The following FTO variants were observed in gnomAD, a reference collection of about 807,000 sequenced individuals.
FTO encodes the protein alpha-ketoglutarate-dependent dioxygenase FTO.
FTO carries 47 observed loss-of-function variants against 63.9 expected under a neutral mutation model. The ratio of observed to expected loss-of-function variants is 0.74; its 90% CI spans 0.58 to 0.94. The LOEUF (loss-of-function observed/expected upper bound fraction) is 0.94. Ranked by LOEUF, FTO falls within the 40% of genes least tolerant of loss-of-function variation. FTO has a pLI of 0.00. For synonymous variants in FTO, 207 were observed against 224.4 expected (o/e 0.92, Z 0.69); for missense variants, 562 against 618.1 (o/e 0.91, Z 0.96).
At chr16:53,909,084 T>C (rs1229955553) in intron 7 of FTO, among the ~76,000 whole-genome samples, 1 of 152,322 alleles carries the variant, frequency 6.6e-6, no homozygotes, top group Non-Finnish European at 1.5e-5. Flanking sequence ...CCTGGGATGA[T>C]GCCCAGTTTG....
rs5816913 is a variant in FTO at position 53,984,321 on chromosome 16, C to CTTTTT, written c.1364+50235_1364+50239dup. The stretch of plus-strand genomic sequence containing the variant: ...CCTCTATCCCTCCCTTGGAATGGGT[C>CTTTTT]TTTTTTTTTTTTTTTTTTTTTTTTT... On this transcript the variant is annotated intron_variant, in intron 8 of 8. Coordinates refer to ENST00000471389, the MANE Select transcript of FTO (RefSeq NM_001080432.3). 2.8e-4 allele frequency among the ~76,000 whole-genome samples: 19 copies of CTTTTT among 67,290 alleles called. 1 individual carries two copies. The highest frequency in any genetic ancestry group is 5.7e-4 in the East Asian group (1 of 1,744). The allele number at this position is 67,290 out of a possible 152,430, so 44.1% of individuals were successfully genotyped here.
At chr16:53,851,197 C>T (rs1431425811) in intron 4 of FTO, among the ~76,000 whole-genome samples, 1 of 151,104 alleles carries the variant, frequency 6.6e-6, no homozygotes, top group Non-Finnish European at 1.5e-5. Flanking sequence ...CCTGTAATCC[C>T]AGCACTTTGG....
chr16:53,805,693 T>C (rs2151725621), intron 1 of FTO, among the ~76,000 whole-genome samples: 1 of 152,196 alleles, frequency 6.6e-6, no homozygotes. Context: ...CAGGTGATCG[T>C]CCTGCCTCCA....
chr16:53,873,958 G>T, intron 5 of FTO, 93 bp downstream of exon 5: 1 of 969,698 alleles, frequency 1.0e-6, no homozygotes. Context: ...AAGAGTATTT[G>T]ATGGGAAAAT....
chr16:53,833,072 C>T (rs183488116), intron 3 of FTO, among the ~76,000 whole-genome samples: 7 of 152,266 alleles, frequency 4.6e-5, no homozygotes, highest in African/African-American at 1.7e-4. Flanking sequence ...AATCATGAGG[C>T]CGGTCTTTCC....
chr16:53,921,293 C>T (rs181225907), intron 7 of FTO, among the ~76,000 whole-genome samples: 77 of 152,288 alleles, frequency 5.1e-4, no homozygotes, highest in Non-Finnish European at 9.1e-4. Flanking sequence ...CCAGTGTGCC[C>T]GACAGACCAC....
intron 1 of FTO, among the ~76,000 whole-genome samples, chr16:53,792,677 A>G (rs1326931364): frequency 6.6e-6 from 1 of 152,336 alleles, no homozygotes; most frequent in Middle Eastern, 3.4e-3. Context: ...ACGTGGTGAA[A>G]TCTCATGGAG....
chr16:53,951,750 A>G (rs535798042), intron 8 of FTO, among the ~76,000 whole-genome samples: 1 of 152,294 alleles, frequency 6.6e-6, no homozygotes, highest in African/African-American at 2.4e-5. Flanking sequence ...AGAAAAGCAT[A>G]ATTAGAATAT....
intron 1 of FTO, among the ~76,000 whole-genome samples, chr16:53,732,041 ATTTTTTTTTTTT>A (rs375814669): frequency 5.1e-5 from 5 of 98,620 alleles, no homozygotes; most frequent in African/African-American, 2.3e-4. Flanking sequence ...TTGTGGCCTT[ATTTTTTTTTTTT>A]TTTTTTTTTT....
At chr16:53,732,121 T>C (rs2076287159) in intron 1 of FTO, among the ~76,000 whole-genome samples, 1 of 143,946 alleles carries the variant, frequency 6.9e-6, no homozygotes, top group South Asian at 2.2e-4. Flanking sequence ...CGATCCCGGC[T>C]CACTGCAAGC....
At chr16:53,894,584 A>G (rs2081230776) in intron 7 of FTO, among the ~76,000 whole-genome samples, 1 of 152,120 alleles carries the variant, frequency 6.6e-6, no homozygotes, top group South Asian at 2.1e-4. Context: ...TGATGGAAAT[A>G]TAAATATCGA....
intron 4 of FTO, among the ~76,000 whole-genome samples, chr16:53,848,549 T>C (rs2151828120): frequency 6.6e-6 from 1 of 152,250 alleles, no homozygotes; most frequent in South Asian, 2.1e-4. Context: ...CAAACAGATT[T>C]ACAATTTTCA....
chr16:53,893,874 G>A (rs2081215000), intron 7 of FTO, among the ~76,000 whole-genome samples: 1 of 152,202 alleles, frequency 6.6e-6, no homozygotes, highest in African/African-American at 2.4e-5. Context: ...TCCTTGTGCT[G>A]TTATAGCAAT....
At chr16:53,786,025 A>T (rs11075991) in intron 1 of FTO, among the ~76,000 whole-genome samples, 61,874 of 151,668 alleles carry the variant, frequency 0.41, 13,047 homozygotes, top group African/African-American at 0.48. Context: ...ACATGATTTG[A>T]CCTACTTTTT....
chr16:53,971,559 AG>A (rs2083317714), intron 8 of FTO, among the ~76,000 whole-genome samples: 1 of 152,134 alleles, frequency 6.6e-6, no homozygotes, highest in African/African-American at 2.4e-5. Flanking sequence ...GTATTTTCTA[AG>A]GTTAAATTTT....
chr16:53,991,216 C>T (rs1364749026), intron 8 of FTO: 8 of 152,170 alleles, frequency 5.3e-5, no homozygotes, highest in Non-Finnish European at 1.2e-4. Context: ...TCAGCATGTC[C>T]AAGTGAAGCC....
rs537574209 is a variant in FTO, at chr16:53,724,415, G to A, written c.45+20186G>A. On this transcript the variant is annotated intron_variant, in intron 1 of 8. Transcript: ENST00000471389. ...TTTGAGACCAGTCTATAGTGCTGGTGTAGACCAACACCTGTATATAATGTT... is the reference window on the plus strand; with the variant it reads ...TTTGAGACCAGTCTATAGTGCTGGTATAGACCAACACCTGTATATAATGTT... Among the ~76,000 whole-genome samples, 182 of 152,340 alleles carry A rather than the reference G, an allele frequency of 1.2e-3. No homozygotes were observed. The Middle Eastern group carries it at 0.037, about 31-fold the overall frequency.
At chr16:53,850,624 T>C (rs1386096465) in intron 4 of FTO, among the ~76,000 whole-genome samples, 1 of 152,198 alleles carries the variant, frequency 6.6e-6, no homozygotes, top group African/African-American at 2.4e-5. Flanking sequence ...GAACTTTACC[T>C]GAAATGCATG....
chr16:53,976,786 G>T (rs1205052853), intron 8 of FTO, among the ~76,000 whole-genome samples: 6 of 151,872 alleles, frequency 4.0e-5, no homozygotes, highest in African/African-American at 1.5e-4. Flanking sequence ...TTTATTTCTA[G>T]ATATTTGTGT....
Sources: gnomAD v4.1 joint callset for allele counts (sites outside exome capture counted in the v4.1 genomes callset) on GRCh38, gnomAD v4.1.1 for gene constraint, MANE v1.5 for transcripts, NCBI Gene and HGNC (gene_info 2026-07-23, HGNC 2026-07-21) for gene names.